Variants in SMCHD1 observed in about 807,000 individuals in gnomAD.
The protein encoded by SMCHD1 is structural maintenance of chromosomes flexible hinge domain-containing protein 1.
In SMCHD1, 78 loss-of-function variants were observed where a neutral mutation model predicts 254.7. That is an observed-to-expected ratio of 0.31 (90% confidence interval 0.26 to 0.37). SMCHD1 has a LOEUF of 0.37. SMCHD1 is among the 10% of genes least tolerant of loss of function. The pLI, the probability that SMCHD1 is intolerant of heterozygous loss-of-function variation, is 1.00. For synonymous variants in SMCHD1, 766 were observed against 794.9 expected, an observed-to-expected ratio of 0.96 and a Z score of 0.61; for missense variants, 1,840 against 2,408.1, an observed-to-expected ratio of 0.76 and a Z score of 4.94.
At chr18:2,679,245 C>T (rs1466413698) in intron 5 of SMCHD1, among the ~76,000 whole-genome samples, 2 of 143,906 alleles carry the variant, frequency 1.4e-5, no homozygotes, top group South Asian at 2.2e-4. Context: ...TTTGGGAGGG[C>T]GAGGCAGGCA....
chr18:2,714,346 C>T (rs1468983209), intron 17 of SMCHD1, among the ~76,000 whole-genome samples: 1 of 151,990 alleles, frequency 6.6e-6, no homozygotes, highest in Non-Finnish European at 1.5e-5. Context: ...ACACCTTTAC[C>T]TTCAGTCTAT....
chr18:2,700,578 T>G lies in SMCHD1; in HGVS notation c.1382T>G (p.Leu461Arg). The change falls in exon 11 of 48, where the codon CTT (leucine) becomes CGT (arginine). Residue 461 changes from leucine to arginine, a missense_variant. Physicochemically the swap from Leu to Arg is moderately radical, Grantham distance 102 (BLOSUM62 -2). Around this residue, in one of 9 missense-constraint regions of SMCHD1, gnomAD observed 498 missense variants for 743.5 expected, o/e 0.67. Coordinates refer to ENST00000320876, the MANE Select transcript of SMCHD1 (RefSeq NM_015295.3). ...GATGATGAAGATGATTGTTTCATAC[T>G]TGAGAAAGCAGCTAGAGGGAAAAGG... ...DEDDEDDCFI[L>R]EKAARGKRPI... The G allele has an allele frequency of 6.2e-7, 1 of 1,612,390 alleles. No individual in the cohort carries two copies. Among genetic ancestry groups the G allele is most frequent in the South Asian group, 1.1e-5 (1 of 90,902 alleles).
At chr18:2,721,073 T>TA (rs2074916056) in intron 19 of SMCHD1, among the ~76,000 whole-genome samples, 1 of 152,206 alleles carries the variant, frequency 6.6e-6, no homozygotes, top group Non-Finnish European at 1.5e-5. Context: ...CAAACTGACT[T>TA]CAGCCAACCT....
At chr18:2,782,464 G>A (rs1449789978) in intron 44 of SMCHD1, among the ~76,000 whole-genome samples, 1 of 152,048 alleles carries the variant, frequency 6.6e-6, no homozygotes, top group African/African-American at 2.4e-5. Flanking sequence ...ATTAGGCTGA[G>A]CATGATGGCT....
intron 28 of SMCHD1, 21 bp downstream of exon 28, chr18:2,740,842 A>G (rs767717528): frequency 1.4e-6 from 2 of 1,449,512 alleles, no homozygotes; most frequent in Admixed American, 1.8e-5. Context: ...TTTCTATACC[A>G]TTTTGGTTTG....
Position 2,796,421 on chromosome 18 carries a change from C to T in SMCHD1, c.5893C>T (p.Arg1965Cys), listed in dbSNP as rs750136221. Reference sequence around the variant, plus strand: ...CATCTTCACAGGTATGACTCCCATACGTAAGTGTAATGACTCATTGCGTCA... The same window carrying T: ...CATCTTCACAGGTATGACTCCCATATGTAAGTGTAATGACTCATTGCGTCA... Reference protein sequence around the residue: ...IEEKLGMTPIRKCNDSLRHSP... With the variant: ...IEEKLGMTPICKCNDSLRHSP... Residue 1965 changes from arginine (R) to cysteine (C), a missense_variant, in exon 47 of 48, where the codon CGT becomes TGT. Transcript: ENST00000320876. 9.4e-6 allele frequency: 15 copies of T among 1,591,950 alleles called. No individual in the cohort carries two copies. The highest frequency in any genetic ancestry group is 1.1e-5 in the South Asian group (1 of 87,378).
rs1317249629 is a variant in SMCHD1 at position 2,784,476 on chromosome 18, A to G, written c.5574A>G (p.Thr1858=). The change falls in exon 45 of 48, where the codon ACA becomes ACG. Residue 1858 remains threonine, a synonymous_variant. Transcript: ENST00000320876. ...TTGTTAAAATTACACACTGTCCTACACTGCTGACCAGAGATGGAGATCGAA... is the reference window on the plus strand; with the variant it reads ...TTGTTAAAATTACACACTGTCCTACGCTGCTGACCAGAGATGGAGATCGAA... The part of the protein sequence containing the change: ...KEVVKITHCP[T]LLTRDGDRIR... The G allele has an allele frequency of 2.5e-6, 4 of 1,612,310 alleles. No individual in the cohort carries two copies. Among genetic ancestry groups the G allele is most frequent in the African/African-American group, 1.3e-5 (1 of 74,998 alleles).
intron 3 of SMCHD1, among the ~76,000 whole-genome samples, chr18:2,670,729 C>T (rs747988874): frequency 1.3e-5 from 2 of 151,706 alleles, no homozygotes; most frequent in African/African-American, 2.4e-5. Context: ...GGTGAAACCC[C>T]GTCTCTACTA....
chr18:2,772,111 GT>G (rs549223413), intron 40 of SMCHD1, 138 bp from the exon 41 acceptor site: 1,188 of 557,284 alleles, frequency 2.1e-3, no homozygotes, highest in African/African-American at 6.5e-3. Flanking sequence ...TTTTCTGATA[GT>G]TTTTTTTTTA....
At chr18:2,787,005 A>G (rs2076250977) in intron 45 of SMCHD1, among the ~76,000 whole-genome samples, 1 of 152,182 alleles carries the variant, frequency 6.6e-6, no homozygotes. Flanking sequence ...TTGTGTTGTT[A>G]TAAAGGAATA....
chr18:2,726,428 A>G, intron 21 of SMCHD1, 24 bp from the exon 22 acceptor site: 1 of 1,367,868 alleles, frequency 7.3e-7, no homozygotes. Flanking sequence ...ACTGGGTTTA[A>G]TTTTTACTGT....
At chr18:2,658,122 TTTA>T (rs2073129610) in intron 1 of SMCHD1, among the ~76,000 whole-genome samples, 1 of 152,218 alleles carries the variant, frequency 6.6e-6, no homozygotes, top group African/African-American at 2.4e-5. Context: ...GTTTATGTCT[TTTA>T]TTATTGTTTG....
At chr18:2,662,108 G>A (rs1478011357) in intron 1 of SMCHD1, among the ~76,000 whole-genome samples, 13 of 140,866 alleles carry the variant, frequency 9.2e-5, no homozygotes, top group Admixed American at 5.0e-4. Context: ...GCAGTGAGCC[G>A]AGATTGCGCC....
At chr18:2,716,207 G>T (rs1413759829) in intron 17 of SMCHD1, among the ~76,000 whole-genome samples, 1 of 152,160 alleles carries the variant, frequency 6.6e-6, no homozygotes, top group Non-Finnish European at 1.5e-5. Context: ...TCCAGTGCTG[G>T]CTGTTGTAGT....
intron 5 of SMCHD1, among the ~76,000 whole-genome samples, chr18:2,677,404 G>A (rs1047838055): frequency 2.0e-5 from 3 of 152,086 alleles, no homozygotes; most frequent in Non-Finnish European, 4.4e-5. Context: ...TTAATTGCTT[G>A]TATCTGTCTT....
intron 3 of SMCHD1, among the ~76,000 whole-genome samples, chr18:2,670,348 T>C (rs754644766): frequency 9.9e-5 from 15 of 152,176 alleles, no homozygotes; most frequent in Non-Finnish European, 2.1e-4. Flanking sequence ...TGGTTATCTG[T>C]TGTGTTCTCA....
intron 5 of SMCHD1, among the ~76,000 whole-genome samples, chr18:2,684,335 T>C (rs990994744): frequency 5.9e-5 from 9 of 152,190 alleles, no homozygotes; most frequent in African/African-American, 2.2e-4. Flanking sequence ...CAAAGAGTGA[T>C]CATCTGTTTA....
At chr18:2,758,911 A>T (rs2075731375) in intron 34 of SMCHD1, among the ~76,000 whole-genome samples, 1 of 150,918 alleles carries the variant, frequency 6.6e-6, no homozygotes, top group African/African-American at 2.4e-5. Context: ...TTCAGTTTTT[A>T]AAAATTTTGC....
At chr18:2,745,304 C>G (rs147536782) in intron 29 of SMCHD1, among the ~76,000 whole-genome samples, 1 of 152,294 alleles carries the variant, frequency 6.6e-6, no homozygotes, top group East Asian at 1.9e-4. Context: ...CAGGTGTGAG[C>G]CACCGTTCCC....
Sources: gnomAD v4.1 joint callset for allele counts (sites outside exome capture counted in the v4.1 genomes callset) on GRCh38, gnomAD v4.1.1 for gene constraint, gnomAD v4.1.1 regional missense constraint, MANE v1.5 for transcripts, NCBI Gene and HGNC (gene_info 2026-07-23, HGNC 2026-07-21) for gene names.